Variants in ETNK1 observed in about 807,000 individuals in gnomAD.
ETNK1 encodes putative protein product of Nbla10396.
A neutral mutation model predicts 45.1 loss-of-function variants in ETNK1; 8 were observed. The ratio of observed to expected loss-of-function variants is 0.18; its 90% CI spans 0.10 to 0.32. ETNK1 has a LOEUF of 0.32. Among genes scored for constraint, ETNK1 ranks in the 10% least tolerant of loss-of-function variants. The pLI is 1.00. For missense variants in ETNK1, 302 were observed against 430.6 expected (o/e 0.70, Z 2.64); for synonymous variants, 152 against 151.9 (o/e 1.00, Z -0.01).
intron 6 of ETNK1, 43 bp from the exon 7 acceptor site, chr12:22,684,440 A>C (rs1245387330): frequency 7.3e-7 from 1 of 1,369,618 alleles, no homozygotes; most frequent in Non-Finnish European, 1.0e-6. Context: ...TTTACAGAGA[A>C]ATTCATTATC....
intron 2 of ETNK1, among the ~76,000 whole-genome samples, chr12:22,653,062 A>G (rs968253590): frequency 6.6e-6 from 1 of 152,184 alleles, no homozygotes; most frequent in African/African-American, 2.4e-5. Context: ...GTGGATATCT[A>G]GTTTTCCCAG....
intron 2 of ETNK1, among the ~76,000 whole-genome samples, chr12:22,655,118 C>G (rs895868971): frequency 6.6e-6 from 1 of 152,152 alleles, no homozygotes; most frequent in African/African-American, 2.4e-5. Flanking sequence ...AGGTGCCTGC[C>G]ACCACATCCG....
chr12:22,630,283 C>G (rs1475515490), intron 1 of ETNK1, among the ~76,000 whole-genome samples: 1 of 152,154 alleles, frequency 6.6e-6, no homozygotes, highest in Non-Finnish European at 1.5e-5. Context: ...TTCTCCCATC[C>G]CAACTGAGAG....
chr12:22,661,251 T>A, intron 4 of ETNK1, 46 bp downstream of exon 4: 1 of 1,500,828 alleles, frequency 6.7e-7, no homozygotes, highest in Non-Finnish European at 9.0e-7. Flanking sequence ...TTCTTTTATG[T>A]TCTTAATGGT....
At chr12:22,655,998 T>G (rs1186397946) in intron 2 of ETNK1, among the ~76,000 whole-genome samples, 1 of 152,238 alleles carries the variant, frequency 6.6e-6, no homozygotes. Flanking sequence ...GTTAGCTACC[T>G]TCTTGCTAGA....
rs1399954551 is a variant in ETNK1 at position 22,654,403 on chromosome 12, C to T, written c.417-4611C>T. On this transcript the variant is annotated intron_variant, in intron 2 of 7. Transcript: ENST00000266517. ...GAATAGGCAGTATTTTAAATGGATG[C>T]TCATTTGGTTTTTGTATAAGAAAAC... is the stretch of plus-strand genomic sequence containing the variant. Among the ~76,000 whole-genome samples, 5 of 152,244 alleles carry T rather than the reference C, an allele frequency of 3.3e-5. No homozygotes were observed. In the East Asian group the frequency reaches 9.6e-4, roughly 29 times the overall value.
chr12:22,652,276 T>C (rs1303531984), intron 2 of ETNK1, among the ~76,000 whole-genome samples: 2 of 152,206 alleles, frequency 1.3e-5, no homozygotes, highest in Non-Finnish European at 2.9e-5. Flanking sequence ...ACTTGGGCAA[T>C]AGTCACTTTT....
intron 4 of ETNK1, among the ~76,000 whole-genome samples, chr12:22,668,264 T>C (rs1954074066): frequency 6.6e-6 from 1 of 152,190 alleles, no homozygotes; most frequent in African/African-American, 2.4e-5. Flanking sequence ...TCATGCTATA[T>C]GAGCTAGTTA....
chr12:22,651,441 G>A (rs897430334), intron 2 of ETNK1, among the ~76,000 whole-genome samples: 6 of 152,078 alleles, frequency 3.9e-5, no homozygotes, highest in African/African-American at 1.4e-4. Context: ...TCTGCAGCTT[G>A]AATTTTCAGG....
At chr12:22,656,415 T>C in intron 2 of ETNK1, 2 of 985,412 alleles carry the variant, frequency 2.0e-6, no homozygotes, top group Non-Finnish European at 2.4e-6. Context: ...TCAGTAAACT[T>C]ACACTGATTG....
intron 1 of ETNK1, among the ~76,000 whole-genome samples, chr12:22,637,869 G>C (rs1170586240): frequency 1.3e-5 from 2 of 152,036 alleles, no homozygotes; most frequent in African/African-American, 4.8e-5. Context: ...GAGCGAGAGA[G>C]AGAGAGTGTT....
chr12:22,640,491 T>A (rs1040366042), intron 1 of ETNK1, among the ~76,000 whole-genome samples: 14 of 152,036 alleles, frequency 9.2e-5, no homozygotes, highest in Non-Finnish European at 7.4e-5. Flanking sequence ...TAGAGACATA[T>A]TGAAATTGTT....
chr12:22,679,621 C>T (rs1954194188), intron 6 of ETNK1, among the ~76,000 whole-genome samples: 1 of 152,022 alleles, frequency 6.6e-6, no homozygotes, highest in South Asian at 2.1e-4. Context: ...ACTTCGCATT[C>T]TCCTAGGGAG....
At chr12:22,643,699 A>G in intron 1 of ETNK1, 64 bp from the exon 2 acceptor site, 1 of 1,373,562 alleles carries the variant, frequency 7.3e-7, no homozygotes, top group Admixed American at 2.3e-5. Flanking sequence ...TTTTCAATTT[A>G]TCTCCTGTTC....
chr12:22,667,014 G>T (rs1226590342), intron 4 of ETNK1, among the ~76,000 whole-genome samples: 1 of 152,024 alleles, frequency 6.6e-6, no homozygotes, highest in Non-Finnish European at 1.5e-5. Flanking sequence ...ATGTTTTCTA[G>T]GGTGGTGTTT....
chr12:22,651,656 T>C lies in ETNK1; in HGVS notation c.417-7358T>C, dbSNP rs546121083. ...CTAATTTCCTAACATATTTTTTTTT[T>C]ATAATGTAAAACTACAATTCTATCC... On this transcript the variant is annotated intron_variant, in intron 2 of 7. Coordinates refer to ENST00000266517, the MANE Select transcript of ETNK1 (RefSeq NM_018638.5). Among the ~76,000 whole-genome samples, 402 of 151,996 alleles carry C rather than the reference T, an allele frequency of 2.6e-3. 2 individuals are homozygous for C. The highest frequency in any genetic ancestry group is 8.8e-3 in the African/African-American group (365 of 41,442).
chr12:22,664,843 A>G (rs144043825), intron 4 of ETNK1, among the ~76,000 whole-genome samples: 2 of 152,294 alleles, frequency 1.3e-5, no homozygotes, highest in African/African-American at 4.8e-5. Flanking sequence ...TGAGATACCA[A>G]TAGATAAAAC....
chr12:22,625,203 A>T lies in ETNK1; in HGVS notation c.-228A>T, dbSNP rs1953468335. 3 of 1,609,706 alleles carry T rather than the reference A, an allele frequency of 1.9e-6. No homozygotes were observed. Among genetic ancestry groups the T allele is most frequent in the Non-Finnish European group, 2.5e-6 (3 of 1,178,048 alleles). On this transcript the variant is annotated 5_prime_UTR_variant, in exon 1 of 8. Transcript: ENST00000266517. ...CCCGCGGTCCAGCTCCGACAACAGG[A>T]ATTTTCTCCGAGAGCGGGCCGGGCT...
chr12:22,675,605 G>C (rs1037995741), intron 6 of ETNK1, among the ~76,000 whole-genome samples: 1 of 152,082 alleles, frequency 6.6e-6, no homozygotes, highest in Admixed American at 6.5e-5. Context: ...CAGTTCTCCA[G>C]CCTCAGCCTC....
Sources: gnomAD v4.1 joint callset for allele counts (sites outside exome capture counted in the v4.1 genomes callset) on GRCh38, gnomAD v4.1.1 for gene constraint, MANE v1.5 for transcripts, NCBI Gene and HGNC (gene_info 2026-07-23, HGNC 2026-07-21) for gene names.